The following SERINC5 variants were observed in gnomAD, a reference collection of about 807,000 sequenced individuals.
The protein encoded by SERINC5 is chromosome 5 open reading frame 12.
A neutral mutation model predicts 63.1 loss-of-function variants in SERINC5; 41 were observed. That is an observed-to-expected ratio of 0.65 (90% confidence interval 0.51 to 0.84). SERINC5 has a LOEUF of 0.84. Among genes scored for constraint, SERINC5 ranks in the 40% least tolerant of loss-of-function variants. SERINC5 has a pLI of 0.00. For synonymous variants in SERINC5, 222 were observed against 215.2 expected (o/e 1.03, Z -0.28); for missense variants, 523 against 573.0 (o/e 0.91, Z 0.89).
intron 1 of SERINC5, among the ~76,000 whole-genome samples, chr5:80,244,153 C>T (rs1752063922): frequency 6.6e-6 from 1 of 151,978 alleles, no homozygotes; most frequent in African/African-American, 2.4e-5. Flanking sequence ...GCTTCAGTTC[C>T]TCAGCTCCCC....
intron 1 of SERINC5, among the ~76,000 whole-genome samples, chr5:80,205,381 C>A (rs1038357050): frequency 3.9e-5 from 6 of 152,172 alleles, no homozygotes; most frequent in Non-Finnish European, 7.3e-5. Flanking sequence ...TCAAAAGGAA[C>A]CTGTCAAAAT....
intron 3 of SERINC5, 107 bp downstream of exon 3, chr5:80,177,779 A>G: frequency 1.2e-6 from 1 of 866,088 alleles, no homozygotes; most frequent in Non-Finnish European, 1.8e-6. Flanking sequence ...AACAATTTCA[A>G]CTAGAAGAAG....
intron 1 of SERINC5, among the ~76,000 whole-genome samples, chr5:80,239,566 T>A (rs1253189567): frequency 1.3e-5 from 2 of 151,356 alleles, no homozygotes; most frequent in Non-Finnish European, 2.9e-5. Flanking sequence ...AACCCAATCA[T>A]CATGCTTATG....
chr5:80,195,339 T>C (rs1243876015), intron 2 of SERINC5, among the ~76,000 whole-genome samples: 1 of 151,650 alleles, frequency 6.6e-6, no homozygotes, highest in African/African-American at 2.4e-5. Context: ...CTAAGCAATA[T>C]ATCAATGTAA....
At chr5:80,143,977 A>G (rs1745667464) in intron 11 of SERINC5, 167 bp from the exon 12 acceptor site, 1 of 813,976 alleles carries the variant, frequency 1.2e-6, no homozygotes, top group African/African-American at 1.7e-5. Context: ...CATCACCCCC[A>G]AAAGAAATCA....
chr5:80,153,351 G>A (rs556734338), intron 8 of SERINC5, among the ~76,000 whole-genome samples: 3 of 151,756 alleles, frequency 2.0e-5, no homozygotes, highest in African/African-American at 4.8e-5. Flanking sequence ...CCAGCTACTC[G>A]GGAGACTGAG....
intron 1 of SERINC5, among the ~76,000 whole-genome samples, chr5:80,228,324 A>G (rs1010795666): frequency 2.7e-5 from 4 of 150,066 alleles, no homozygotes; most frequent in African/African-American, 9.8e-5. Flanking sequence ...AGGAGGAAGG[A>G]AGGAAGGAAA....
chr5:80,138,444 A>C (rs1745303899), downstream of SERINC5, among the ~76,000 whole-genome samples: 1 of 152,032 alleles, frequency 6.6e-6, no homozygotes, highest in African/African-American at 2.4e-5. Context: ...AAAAATACAA[A>C]AATTACCTGG....
intron 8 of SERINC5, chr5:80,157,373 G>A (rs939279259): frequency 6.6e-6 from 1 of 151,850 alleles, no homozygotes; most frequent in South Asian, 2.1e-4. Flanking sequence ...TTCATGGTTG[G>A]TTTTTCAAAA....
At chr5:80,134,222 A>T (rs1356181654), downstream of SERINC5, among the ~76,000 whole-genome samples, 1 of 152,114 alleles carries the variant, frequency 6.6e-6, no homozygotes, top group Non-Finnish European at 1.5e-5. Flanking sequence ...GTGGTGGCTC[A>T]CACCTGTAAT....
intron 9 of SERINC5, among the ~76,000 whole-genome samples, chr5:80,148,189 C>CTTTTTTTTTTTTTTTTTTT (rs796769914): frequency 1.3e-4 from 13 of 102,330 alleles, no homozygotes; most frequent in African/African-American, 2.7e-4. Context: ...ATTTTTTATT[C>CTTTTTTTTTTTTTTTTTTT]TTTTTTTTTT....
chr5:80,137,851 G>A (rs1286065123), downstream of SERINC5, among the ~76,000 whole-genome samples: 1 of 151,852 alleles, frequency 6.6e-6, no homozygotes, highest in African/African-American at 2.4e-5. Context: ...TGAGGCAGGA[G>A]GATTGCTTGA....
chr5:80,130,367 G>A (rs1004831618), intron 11 of SERINC5, among the ~76,000 whole-genome samples: 4 of 150,400 alleles, frequency 2.7e-5, no homozygotes, highest in Admixed American at 2.7e-4. Context: ...GCAACAAAGC[G>A]AGATTCCATC....
chr5:80,212,424 G>C (rs1041301711), intron 1 of SERINC5, among the ~76,000 whole-genome samples: 1 of 152,122 alleles, frequency 6.6e-6, no homozygotes, highest in Non-Finnish European at 1.5e-5. Context: ...ACATAATACT[G>C]CCCATGCCGT....
intron 7 of SERINC5, among the ~76,000 whole-genome samples, chr5:80,161,021 TATATATACACAC>T (rs1561380898): frequency 1.5e-5 from 2 of 137,234 alleles, no homozygotes; most frequent in African/African-American, 6.2e-5. Context: ...TATACGTGTA[TATATATACACAC>T]GTGTATATAT....
intron 1 of SERINC5, among the ~76,000 whole-genome samples, chr5:80,229,709 G>T (rs976242664): frequency 7.9e-5 from 12 of 152,148 alleles, no homozygotes; most frequent in African/African-American, 2.9e-4. Context: ...AAGATTACAT[G>T]AAATCACCCA....
intron 1 of SERINC5, among the ~76,000 whole-genome samples, 156 bp downstream of exon 1, chr5:80,255,740 G>A (rs1311392334): frequency 6.7e-6 from 1 of 149,008 alleles, no homozygotes; most frequent in Non-Finnish European, 1.5e-5. Context: ...AGGATTTCCC[G>A]GACGGCTGAG....
intron 2 of SERINC5, among the ~76,000 whole-genome samples, chr5:80,202,043 G>A (rs1264771536): frequency 1.3e-5 from 2 of 152,118 alleles, no homozygotes; most frequent in African/African-American, 4.8e-5. Flanking sequence ...TTCAAGACCA[G>A]CCTGGCCAAC....
chr5:80,196,764 C>A (rs567780707), intron 2 of SERINC5, among the ~76,000 whole-genome samples: 1 of 152,058 alleles, frequency 6.6e-6, no homozygotes, highest in South Asian at 2.1e-4. Context: ...CATGGTGAAA[C>A]CCTGTCTCTA....
Sources: allele counts gnomAD v4.1 joint callset (sites outside exome capture counted in the v4.1 genomes callset), GRCh38; gene constraint gnomAD v4.1.1; transcripts MANE v1.5; gene names NCBI Gene and HGNC (gene_info 2026-07-23, HGNC 2026-07-21).